The following CAMTA1 variants were observed in gnomAD, a reference collection of about 807,000 sequenced individuals.
CAMTA1 encodes calmodulin-binding transcription activator 1.
A neutral mutation model predicts 170.9 loss-of-function variants in CAMTA1; 27 were observed. The observed-to-expected ratio is 0.16, with a 90% confidence interval of 0.12 to 0.22. CAMTA1 has a LOEUF of 0.22. Ranked by LOEUF, CAMTA1 falls within the 10% of genes least tolerant of loss-of-function variation. The pLI is 1.00. For synonymous variants in CAMTA1, 833 were observed against 891.5 expected, an observed-to-expected ratio of 0.93 and a Z score of 1.17; for missense variants, 1,619 against 2,217.2, an observed-to-expected ratio of 0.73 and a Z score of 5.42.
At chr1:7,414,218 C>CT (rs1018022218) in intron 5 of CAMTA1, among the ~76,000 whole-genome samples, 2 of 152,060 alleles carry the variant, frequency 1.3e-5, no homozygotes, top group African/African-American at 4.8e-5. Context: ...CTAAAATTCT[C>CT]TTTTTTTGGT....
rs969859518 is a variant in CAMTA1 at position 7,682,619 on chromosome 1, G to C, written c.2914+4886G>C. On this transcript the variant is annotated intron_variant, in intron 11 of 22. Transcript: ENST00000303635. This position sits in a 1 kb window ranked among gnomAD's most constrained non-coding sequence, Gnocchi z 5.0. ...GTACCAGCCTCCACCCACCAGAGCTGGGAGATCACACACTGTCCCAGAGTC... is the reference window on the plus strand; with the variant it reads ...GTACCAGCCTCCACCCACCAGAGCTCGGAGATCACACACTGTCCCAGAGTC... 6.6e-6 allele frequency among the ~76,000 whole-genome samples: 1 copy of C among 152,202 alleles called. No homozygotes were observed. Among genetic ancestry groups the C allele is most frequent in the African/African-American group, 2.4e-5 (1 of 41,444 alleles).
At position 7,601,515 on chromosome 1, in the gene CAMTA1, T is replaced by C. The variant is rs375443879; in HGVS notation, c.511-38885T>C. Among the ~76,000 whole-genome samples, 42 of 146,310 alleles carry C rather than the reference T, an allele frequency of 2.9e-4. 1 individual carries two copies. Among genetic ancestry groups the C allele is most frequent in the East Asian group, 1.4e-3 (7 of 5,020 alleles). ...CAGACGATGGGCGGCCAGGCAGAGA[T>C]GCTCCTCACTTCCCAGACAGGGTGG... On this transcript the variant is annotated intron_variant, in intron 6 of 22. Transcript: ENST00000303635.
intron 4 of CAMTA1, among the ~76,000 whole-genome samples, chr1:7,245,217 CA>C (rs1442093182): frequency 2.0e-5 from 3 of 147,194 alleles, no homozygotes; most frequent in African/African-American, 7.4e-5. Context: ...ATATATATAT[CA>C]CACACACACA....
chr1:7,562,910 T>A lies in CAMTA1; in HGVS notation c.511-77490T>A, dbSNP rs563250606. 6.6e-6 allele frequency among the ~76,000 whole-genome samples: 1 copy of A among 152,302 alleles called. No homozygotes were observed. The highest frequency in any genetic ancestry group is 1.9e-4 in the East Asian group (1 of 5,162). On this transcript the variant is annotated intron_variant, in intron 6 of 22. Coordinates refer to ENST00000303635, the MANE Select transcript of CAMTA1 (RefSeq NM_015215.4). This position sits in a 1 kb window ranked among gnomAD's most constrained non-coding sequence, Gnocchi z 4.8. ...CTCTCCCAGGGCCCCATGGGCTGTT[T>A]AGCCAGAGCTTGGGGCCCACCCACC...
In CAMTA1 at chr1:7,461,569, C is replaced by T. The variant is rs573780570; in HGVS notation, c.439-6261C>T. On this transcript the variant is annotated intron_variant, in intron 5 of 22. Transcript: ENST00000303635. ...GTGGCTGCCAAGTTAGATAGCCCAG[C>T]TTTAAAGACACCTGTTGAGCAATGC... Among the ~76,000 whole-genome samples, 249 of 152,344 alleles carry T rather than the reference C, an allele frequency of 1.6e-3. 2 individuals are homozygous for T. The highest frequency in any genetic ancestry group is 4.8e-3 in the African/African-American group (199 of 41,580).
At chr1:6,938,595 C>T (rs533819656) in intron 3 of CAMTA1, among the ~76,000 whole-genome samples, 2 of 152,336 alleles carry the variant, frequency 1.3e-5, no homozygotes, top group African/African-American at 4.8e-5. Flanking sequence ...ATGGCCTGTT[C>T]TGCTGTGTGT....
intron 5 of CAMTA1, among the ~76,000 whole-genome samples, chr1:7,411,865 G>C (rs554963235): frequency 6.6e-6 from 1 of 151,272 alleles, no homozygotes; most frequent in Non-Finnish European, 1.5e-5. Flanking sequence ...CCATTAACTC[G>C]TCATTTAGCA....
intron 6 of CAMTA1, among the ~76,000 whole-genome samples, chr1:7,558,245 G>A (rs114885066): frequency 0.013 from 1,926 of 152,320 alleles, 44 homozygotes; most frequent in African/African-American, 0.044. Context: ...ATGGCGCCAG[G>A]GCCCCCGCCC....
chr1:7,013,015 A>G (rs1700031594), intron 3 of CAMTA1, among the ~76,000 whole-genome samples: 1 of 150,404 alleles, frequency 6.6e-6, no homozygotes, highest in Non-Finnish European at 1.5e-5. Flanking sequence ...GTCTTGGGCC[A>G]AAAGCCTTGG....
At chr1:7,246,539 A>C (rs979037712) in intron 4 of CAMTA1, among the ~76,000 whole-genome samples, 1 of 151,914 alleles carries the variant, frequency 6.6e-6, no homozygotes, top group Non-Finnish European at 1.5e-5. Context: ...GCTATCTTTT[A>C]TGCCATCATG....
chr1:7,702,976 T>G (rs531391634), intron 11 of CAMTA1, among the ~76,000 whole-genome samples: 1 of 152,104 alleles, frequency 6.6e-6, no homozygotes, highest in Non-Finnish European at 1.5e-5. Flanking sequence ...ACCATAGATA[T>G]GAAGGCACAG....
intron 6 of CAMTA1, among the ~76,000 whole-genome samples, chr1:7,476,813 G>A (rs2093426826): frequency 6.6e-6 from 1 of 152,154 alleles, no homozygotes; most frequent in Non-Finnish European, 1.5e-5. Flanking sequence ...TCCTCATCCT[G>A]TCACCAGTAG....
chr1:7,695,343 A>T (rs1034385751), intron 11 of CAMTA1, among the ~76,000 whole-genome samples: 1 of 152,218 alleles, frequency 6.6e-6, no homozygotes, highest in Non-Finnish European at 1.5e-5. Context: ...CTGAAGCTCC[A>T]AGGCCCCCAA....
chr1:7,745,355 C>A (rs192286247), intron 17 of CAMTA1, among the ~76,000 whole-genome samples: 1 of 151,964 alleles, frequency 6.6e-6, no homozygotes, highest in African/African-American at 2.4e-5. Flanking sequence ...GGTAAAACCC[C>A]GTCTCTACTA....
chr1:7,495,833 A>G (rs1725267), intron 6 of CAMTA1, among the ~76,000 whole-genome samples: 99,936 of 152,172 alleles, frequency 0.66, 34,024 homozygotes, highest in African/African-American at 0.83. Context: ...TTGTTGGAAC[A>G]GAGTTCCTCT....
chr1:6,893,161 T>C (rs2149150876), intron 3 of CAMTA1, among the ~76,000 whole-genome samples: 1 of 151,936 alleles, frequency 6.6e-6, no homozygotes, highest in South Asian at 2.1e-4. Context: ...GTGCCTGTAA[T>C]CCCAGCTACT....
Position 7,685,112 on chromosome 1 carries a change from G to A in CAMTA1, c.2914+7379G>A, listed in dbSNP as rs1193728168. On this transcript the variant is annotated intron_variant, in intron 11 of 22. Coordinates refer to ENST00000303635, the MANE Select transcript of CAMTA1 (RefSeq NM_015215.4). This position sits in a 1 kb window ranked among gnomAD's most constrained non-coding sequence, Gnocchi z 5.7. ...GTGTTTTGAGGAGTTCGCAGGCACC[G>A]TCCTGCGGTCACAGGTGGTGTGTTT... 7.9e-5 allele frequency among the ~76,000 whole-genome samples: 12 copies of A among 152,212 alleles called. No individual in the cohort carries two copies. The highest frequency in any genetic ancestry group is 7.2e-5 in the African/African-American group (3 of 41,538).
intron 3 of CAMTA1, among the ~76,000 whole-genome samples, chr1:6,861,301 G>T (rs1229624824): frequency 6.6e-6 from 1 of 152,154 alleles, no homozygotes; most frequent in Non-Finnish European, 1.5e-5. Flanking sequence ...TAACATCTCT[G>T]TTACTGGTTT....
At chr1:7,266,837 A>G (rs1669014572) in intron 5 of CAMTA1, among the ~76,000 whole-genome samples, 1 of 152,192 alleles carries the variant, frequency 6.6e-6, no homozygotes. Context: ...TGGTTGCTCT[A>G]CTGCCAGAAA....
Sources: gnomAD v4.1 joint callset for allele counts (sites outside exome capture counted in the v4.1 genomes callset) on GRCh38, gnomAD v4.1.1 for gene constraint, Gnocchi (gnomAD v3.1) non-coding constraint, MANE v1.5 for transcripts, NCBI Gene and HGNC (gene_info 2026-07-23, HGNC 2026-07-21) for gene names.